The following HPSE2 variants were observed in gnomAD, a reference collection of about 807,000 sequenced individuals.
The protein encoded by HPSE2 is inactive heparanase-2.
Under a neutral mutation model 60.5 loss-of-function variants are expected in HPSE2, and 38 were observed. The ratio of observed to expected loss-of-function variants is 0.63; its 90% CI spans 0.48 to 0.82. The LOEUF (loss-of-function observed/expected upper bound fraction) is 0.82, where lower values mean the gene tolerates loss of function less well. Among genes scored for constraint, HPSE2 ranks in the 40% least tolerant of loss-of-function variants. HPSE2 has a pLI of 0.00. For synonymous variants in HPSE2, 295 were observed against 293.2 expected (o/e 1.01, Z -0.06); for missense variants, 713 against 740.4 (o/e 0.96, Z 0.43).
intron 3 of HPSE2, among the ~76,000 whole-genome samples, chr10:99,087,207 G>A (rs141395046): frequency 1.2e-4 from 18 of 152,306 alleles, no homozygotes; most frequent in Admixed American, 1.1e-3. Context: ...CATAATGTTT[G>A]TAAACTTAAA....
intron 5 of HPSE2, among the ~76,000 whole-genome samples, chr10:98,720,972 T>C (rs1257282491): frequency 6.6e-6 from 1 of 152,172 alleles, no homozygotes; most frequent in Non-Finnish European, 1.5e-5. Flanking sequence ...GACATTTTTG[T>C]TATTGTTAGT....
At chr10:99,150,404 G>A (rs1018975261) in intron 2 of HPSE2, among the ~76,000 whole-genome samples, 10 of 152,152 alleles carry the variant, frequency 6.6e-5, no homozygotes, top group South Asian at 2.1e-4. Context: ...ACCACAGCTC[G>A]AACTCCTAGG....
At chr10:99,162,751 C>A (rs909059828) in intron 2 of HPSE2, among the ~76,000 whole-genome samples, 1 of 152,152 alleles carries the variant, frequency 6.6e-6, no homozygotes, top group Non-Finnish European at 1.5e-5. Context: ...CTTCAGTTTA[C>A]CAAGTTTATC....
intron 3 of HPSE2, among the ~76,000 whole-genome samples, chr10:98,903,317 GA>G (rs1307419238): frequency 6.6e-6 from 1 of 151,980 alleles, no homozygotes; most frequent in Non-Finnish European, 1.5e-5. Context: ...TTCATTTTTG[GA>G]GTAGTGAAAA....
In HPSE2 at chr10:98,710,206, T is replaced by C. The variant is rs952749; in HGVS notation, c.956+11451A>G. 1.1e-3 allele frequency among the ~76,000 whole-genome samples: 167 copies of C among 152,268 alleles called. 1 individual carries two copies. Among genetic ancestry groups the C allele is most frequent in the Admixed American group, 3.3e-3 (50 of 15,290 alleles). ...ATGTCGAGCTAGACTGGGTGCTACATAGAAGAAATGAAATATTGACCTCTC... is the reference window on the plus strand; with the variant it reads ...ATGTCGAGCTAGACTGGGTGCTACACAGAAGAAATGAAATATTGACCTCTC... On this transcript the variant is annotated intron_variant, in intron 5 of 11. Coordinates refer to ENST00000370552, the MANE Select transcript of HPSE2 (RefSeq NM_021828.5).
intron 3 of HPSE2, among the ~76,000 whole-genome samples, chr10:99,108,415 AT>A (rs1844331176): frequency 6.6e-6 from 1 of 152,112 alleles, no homozygotes; most frequent in Non-Finnish European, 1.5e-5. Flanking sequence ...AAAAAAAAAA[AT>A]CAGTTCATTT....
the HPSE2 span, among the ~76,000 whole-genome samples, chr10:99,284,673 A>T: frequency 3.5e-4 from 53 of 152,208 alleles, no homozygotes; most frequent in African/African-American, 1.3e-3. Context: ...CATTCATTAA[A>T]ATTAAAAATA....
intron 3 of HPSE2, among the ~76,000 whole-genome samples, chr10:99,111,450 A>C (rs1844454408): frequency 6.6e-6 from 1 of 152,170 alleles, no homozygotes; most frequent in South Asian, 2.1e-4. Context: ...ATTAAAATCT[A>C]GAGGGAGAAG....
chr10:99,139,171 C>T lies in HPSE2; in HGVS notation c.610+5067G>A, dbSNP rs549263676. ...GAGCTGGAGTCCATTACTCTAAGTGCAGTAACTCAGGAATGGAAAACCAAA... is the reference window on the plus strand; with the variant it reads ...GAGCTGGAGTCCATTACTCTAAGTGTAGTAACTCAGGAATGGAAAACCAAA... On this transcript the variant is annotated intron_variant, in intron 3 of 11. Coordinates refer to ENST00000370552, the MANE Select transcript of HPSE2 (RefSeq NM_021828.5). Among the ~76,000 whole-genome samples, 6 of 152,180 alleles carry T rather than the reference C, an allele frequency of 3.9e-5. No homozygotes were observed. The South Asian group carries it at 1.2e-3, about 32-fold the overall frequency.
intron 3 of HPSE2, among the ~76,000 whole-genome samples, chr10:98,778,132 G>T (rs1950381162): frequency 6.6e-6 from 1 of 152,042 alleles, no homozygotes; most frequent in Admixed American, 6.6e-5. Flanking sequence ...AGTTAGGTGG[G>T]ACACAGAGGT....
At chr10:99,001,514 T>C (rs912534286) in intron 3 of HPSE2, among the ~76,000 whole-genome samples, 1 of 152,080 alleles carries the variant, frequency 6.6e-6, no homozygotes, top group African/African-American at 2.4e-5. Context: ...ACTCAGGCCA[T>C]GATTACATAA....
chr10:99,221,808 A>G (rs1195315763), intron 2 of HPSE2, among the ~76,000 whole-genome samples: 5 of 152,106 alleles, frequency 3.3e-5, no homozygotes, highest in African/African-American at 1.2e-4. Context: ...CGGAGAGAAG[A>G]AGCTGGCCAA....
At chr10:99,164,962 G>A (rs946631521) in intron 2 of HPSE2, among the ~76,000 whole-genome samples, 5 of 151,626 alleles carry the variant, frequency 3.3e-5, no homozygotes, top group African/African-American at 7.3e-5. Flanking sequence ...GCACGCCTGC[G>A]GTCCCAGCTA....
chr10:98,798,301 C>T (rs1052872076), intron 3 of HPSE2, among the ~76,000 whole-genome samples: 3 of 152,122 alleles, frequency 2.0e-5, no homozygotes, highest in African/African-American at 4.8e-5. Flanking sequence ...TTCATCACCA[C>T]CACACCTGTC....
chr10:99,194,406 A>G (rs1162399252), intron 2 of HPSE2, among the ~76,000 whole-genome samples: 1 of 151,898 alleles, frequency 6.6e-6, no homozygotes, highest in Non-Finnish European at 1.5e-5. Context: ...ATCAATAGAA[A>G]AAAGAAATAA....
chr10:98,626,061 G>T (rs368884625), intron 7 of HPSE2, among the ~76,000 whole-genome samples: 1 of 148,450 alleles, frequency 6.7e-6, no homozygotes, highest in East Asian at 2.0e-4. Flanking sequence ...AGCCGAGATC[G>T]CACCACTACA....
chr10:98,508,042 G>A (rs1021817564), intron 9 of HPSE2, among the ~76,000 whole-genome samples: 2 of 152,032 alleles, frequency 1.3e-5, no homozygotes, highest in Admixed American at 1.3e-4. Flanking sequence ...TAAGAAGGAA[G>A]GCAAATACAA....
intron 2 of HPSE2, among the ~76,000 whole-genome samples, chr10:99,208,186 G>A (rs1249184387): frequency 3.3e-5 from 5 of 151,332 alleles, no homozygotes; most frequent in Non-Finnish European, 7.4e-5. Flanking sequence ...GCAAAACGAT[G>A]GACAAAAAGA....
intron 2 of HPSE2, among the ~76,000 whole-genome samples, chr10:99,224,185 A>G (rs192492733): frequency 3.3e-5 from 5 of 152,200 alleles, no homozygotes; most frequent in Middle Eastern, 3.4e-3. Flanking sequence ...ACTGTCTTTC[A>G]CCATATCAAA....
Sources: allele counts gnomAD v4.1 joint callset (sites outside exome capture counted in the v4.1 genomes callset), GRCh38; gene constraint gnomAD v4.1.1; transcripts MANE v1.5; gene names NCBI Gene and HGNC (gene_info 2026-07-23, HGNC 2026-07-21).